The following DMD variants were observed in gnomAD, a reference collection of about 807,000 sequenced individuals.
DMD encodes dystrophin, also known as mutant dystrophin.
DMD carries 63 observed loss-of-function variants against 330.1 expected under a neutral mutation model. The ratio of observed to expected loss-of-function variants is 0.19; its 90% CI spans 0.16 to 0.24. The LOEUF is 0.24. Ranked by LOEUF, DMD falls within the 10% of genes least tolerant of loss-of-function variation. The pLI, the probability that DMD is intolerant of heterozygous loss-of-function variation, is 1.00. For synonymous variants in DMD, 1,223 were observed against 959.8 expected (o/e 1.27, Z -5.07); for missense variants, 3,344 against 2,684.1 (o/e 1.25, Z -5.43).
intron 7 of DMD, among the ~76,000 whole-genome samples, chrX:32,783,689 C>A (rs1313357429): frequency 1.8e-5 from 2 of 110,272 alleles, no homozygotes; most frequent in African/African-American, 6.6e-5. Context: ...TATAAGTAAT[C>A]TAGAGATAAT....
At chrX:31,740,288 T>C (rs1399301005) in intron 51 of DMD, among the ~76,000 whole-genome samples, 1 of 112,472 alleles carries the variant, frequency 8.9e-6, no homozygotes. Flanking sequence ...ACTCTATTGT[T>C]CTATAAATTT....
chrX:31,852,186 A>G (rs1400521454), intron 48 of DMD, among the ~76,000 whole-genome samples: 1 of 111,407 alleles, frequency 9.0e-6, no homozygotes, highest in African/African-American at 3.3e-5. Flanking sequence ...ATGTGATCTG[A>G]CTTATTTTTA....
At chrX:32,696,061 C>G (rs1316963168) in intron 9 of DMD, among the ~76,000 whole-genome samples, 2 of 111,832 alleles carry the variant, frequency 1.8e-5, no homozygotes, top group South Asian at 7.4e-4. Context: ...AGGGCATGCA[C>G]GTGTTTTCCA....
intron 60 of DMD, among the ~76,000 whole-genome samples, chrX:31,379,978 C>T (rs1187976626): frequency 2.7e-5 from 3 of 111,557 alleles, no homozygotes; most frequent in African/African-American, 6.5e-5. Context: ...TGAAGACTGA[C>T]GCTGCCCGAT....
chrX:33,233,096 CA>C (rs983887237), intron 1 of DMD, among the ~76,000 whole-genome samples: 83 of 110,050 alleles, frequency 7.5e-4, no homozygotes, highest in Non-Finnish European at 1.3e-3. Flanking sequence ...ATTTTCACCA[CA>C]AAAAAAATAT....
chrX:32,427,277 C>T (rs1569562182), intron 29 of DMD, among the ~76,000 whole-genome samples: 1 of 111,133 alleles, frequency 9.0e-6, no homozygotes, highest in Non-Finnish European at 1.9e-5. Flanking sequence ...TTGATAGGAG[C>T]TGTCATCTGA....
intron 2 of DMD, among the ~76,000 whole-genome samples, chrX:32,963,803 A>G (rs764054433): frequency 1.8e-5 from 2 of 111,776 alleles, no homozygotes; most frequent in South Asian, 3.7e-4. Context: ...CAGGAGGTCA[A>G]TGTAAAGGAG....
At chrX:32,334,465 T>C (rs1362573119) in intron 41 of DMD, among the ~76,000 whole-genome samples, 1 of 111,889 alleles carries the variant, frequency 8.9e-6, no homozygotes, top group Non-Finnish European at 1.9e-5. Flanking sequence ...TTTCCCCTAA[T>C]TTTATTCTCA....
At chrX:32,836,535 C>T (rs1569531741) in intron 4 of DMD, among the ~76,000 whole-genome samples, 2 of 110,807 alleles carry the variant, frequency 1.8e-5, no homozygotes, top group Admixed American at 9.7e-5. Context: ...AGTGTTTCTT[C>T]TATTTCTTTA....
intron 41 of DMD, among the ~76,000 whole-genome samples, chrX:32,338,513 A>T (rs5972541): frequency 0.018 from 1,981 of 111,355 alleles, 49 homozygotes; most frequent in African/African-American, 0.06. Context: ...CTGGAAAAAA[A>T]TCCATTTAAT....
intron 7 of DMD, among the ~76,000 whole-genome samples, chrX:32,789,930 C>T (rs749914670): frequency 1.8e-5 from 2 of 112,174 alleles, no homozygotes; most frequent in East Asian, 5.6e-4. Context: ...AATGATATTA[C>T]AGGATATTTC....
chrX:33,309,710 T>C (rs2053819782), intron 1 of DMD, among the ~76,000 whole-genome samples: 1 of 111,250 alleles, frequency 9.0e-6, no homozygotes, highest in East Asian at 2.8e-4. Context: ...GGGTCACTCA[T>C]TGGCCTTTTG....
At chrX:32,811,178 T>TTA (rs1363211065) in intron 6 of DMD, among the ~76,000 whole-genome samples, 1 of 86,516 alleles carries the variant, frequency 1.2e-5, no homozygotes, top group African/African-American at 4.2e-5. Context: ...TACAACTTAT[T>TTA]AAAAAAAAAA....
intron 44 of DMD, among the ~76,000 whole-genome samples, chrX:32,101,149 ATTATATTTTG>A (rs1481423093): frequency 2.7e-5 from 3 of 111,941 alleles, no homozygotes; most frequent in African/African-American, 6.5e-5. Context: ...GTTTATATAC[ATTATATTTTG>A]TTATATTTTG....
Position 32,603,879 on chromosome X carries a change from A to C in DMD, c.1483-8003T>G, listed in dbSNP as rs187945292. Among the ~76,000 whole-genome samples the C allele has an allele frequency of 1.3e-4, 14 of 111,428 alleles. No homozygotes were observed. The East Asian group carries it at 3.1e-3, about 25-fold the overall frequency. The stretch of plus-strand genomic sequence containing the variant: ...GTAATAAATATCTCCCAATAAAATA[A>C]AGCTCAGGACCAGACGTATTCACAG... On this transcript the variant is annotated intron_variant, in intron 12 of 78. Coordinates refer to ENST00000357033, the MANE Select transcript of DMD (RefSeq NM_004006.3).
chrX:32,205,899 A>C, intron 44 of DMD: 2 of 334,100 alleles, frequency 6.0e-6, no homozygotes, highest in South Asian at 7.4e-5. Context: ...CACCTGATGG[A>C]CGATGATGGA....
chrX:32,861,325 T>A (rs906218402), intron 2 of DMD, among the ~76,000 whole-genome samples: 1 of 111,897 alleles, frequency 8.9e-6, no homozygotes, highest in African/African-American at 3.2e-5. Context: ...AATATGAGAA[T>A]TAAAAGGGTT....
intron 7 of DMD, among the ~76,000 whole-genome samples, chrX:32,807,889 C>A: frequency 8.9e-6 from 1 of 111,800 alleles, no homozygotes; most frequent in Non-Finnish European, 1.9e-5. Flanking sequence ...ATAGGACACA[C>A]ACAAGAATAA....
At chrX:31,754,025 A>G (rs1463081190) in intron 51 of DMD, among the ~76,000 whole-genome samples, 1 of 111,764 alleles carries the variant, frequency 8.9e-6, no homozygotes, top group Non-Finnish European at 1.9e-5. Flanking sequence ...AATATAAAGA[A>G]AAGATTACAA....
Sources: allele counts gnomAD v4.1 joint callset (sites outside exome capture counted in the v4.1 genomes callset), GRCh38; gene constraint gnomAD v4.1.1; transcripts MANE v1.5; gene names NCBI Gene and HGNC (gene_info 2026-07-23, HGNC 2026-07-21).